Variants in RANBP2 observed in about 807,000 individuals in gnomAD.
The protein encoded by RANBP2 is RAN binding protein 2.
Under a neutral mutation model 303.6 loss-of-function variants are expected in RANBP2, and 57 were observed. The observed-to-expected ratio is 0.19, with a 90% CI of 0.15 to 0.23. The LOEUF is 0.23. Ranked by LOEUF, RANBP2 falls within the 10% of genes least tolerant of loss-of-function variation. RANBP2 has a pLI of 1.00. For missense variants in RANBP2, 3,138 were observed against 3,780.8 expected, an observed-to-expected ratio of 0.83 and a Z score of 4.46; for synonymous variants, 1,167 against 1,301.5, an observed-to-expected ratio of 0.90 and a Z score of 2.23.
intron 1 of RANBP2, among the ~76,000 whole-genome samples, chr2:108,721,720 T>G (rs1271456789): frequency 6.6e-6 from 1 of 151,706 alleles, no homozygotes; most frequent in African/African-American, 2.4e-5. Flanking sequence ...GTGTTGGGAT[T>G]ATAGGCGTGA....
chr2:109,599,853 A>G, the RANBP2 span, among the ~76,000 whole-genome samples: 2 of 152,188 alleles, frequency 1.3e-5, no homozygotes, highest in African/African-American at 4.8e-5. Flanking sequence ...TTATAGAAAA[A>G]ATATCATTTC....
At chr2:108,891,508 T>C in the RANBP2 span, among the ~76,000 whole-genome samples, 1 of 152,184 alleles carries the variant, frequency 6.6e-6, no homozygotes. Context: ...GGTGAAGTTG[T>C]ACTAGGGATT....
chr2:109,242,361 G>A, the RANBP2 span, among the ~76,000 whole-genome samples: 3 of 152,164 alleles, frequency 2.0e-5, no homozygotes, highest in Non-Finnish European at 4.4e-5. Context: ...CTACACTGAG[G>A]ACCTTGTCTC....
chr2:108,782,076 A>G (rs1678291717), intron 26 of RANBP2, 52 bp from the exon 27 acceptor site: 3 of 1,587,036 alleles, frequency 1.9e-6, no homozygotes, highest in East Asian at 4.5e-5. Flanking sequence ...GAAATTTGTC[A>G]TGGAATTTAT....
At chr2:108,985,990 C>A in the RANBP2 span, among the ~76,000 whole-genome samples, 11 of 152,268 alleles carry the variant, frequency 7.2e-5, no homozygotes, top group South Asian at 2.3e-3. Flanking sequence ...CTGATCCCTG[C>A]CAAGACCCAG....
chr2:109,598,895 T>TA, the RANBP2 span, among the ~76,000 whole-genome samples: 8 of 149,654 alleles, frequency 5.3e-5, no homozygotes, highest in Admixed American at 2.7e-4. Flanking sequence ...AAAATAAAAA[T>TA]AAAAAAAAAA....
chr2:109,345,973 G>C, the RANBP2 span, among the ~76,000 whole-genome samples: 1 of 152,236 alleles, frequency 6.6e-6, no homozygotes, highest in Non-Finnish European at 1.5e-5. Context: ...CCCAAATTAA[G>C]ATTCCCTGGC....
the RANBP2 span, among the ~76,000 whole-genome samples, chr2:108,793,334 A>AAAAAC: frequency 2.1e-3 from 316 of 152,164 alleles, 1 homozygote; most frequent in Middle Eastern, 0.017. Flanking sequence ...CTCCGTCTCA[A>AAAAAC]AAAACAAAAC....
chr2:109,685,566 T>C, the RANBP2 span, among the ~76,000 whole-genome samples: 3 of 152,166 alleles, frequency 2.0e-5, no homozygotes, highest in Non-Finnish European at 2.9e-5. Context: ...TGCAAGCATG[T>C]GGAAGGCTGT....
chr2:109,663,706 G>A, the RANBP2 span, among the ~76,000 whole-genome samples: 1 of 152,202 alleles, frequency 6.6e-6, no homozygotes, highest in Non-Finnish European at 1.5e-5. Context: ...AAACAGAAGT[G>A]AATTTAGTCT....
chr2:108,768,011 C>G lies in RANBP2; in HGVS notation c.7472C>G (p.Ala2491Gly), dbSNP rs985484923. ...DVIQGDDVADATSEVEVSSTS... is the reference protein window; with the variant it reads ...DVIQGDDVADGTSEVEVSSTS... Reference sequence around the variant, plus strand: ...ATTCAGGGTGATGATGTAGCAGATGCAACTTCAGAAGTTGAAGTGTCTAGC... The same window carrying G: ...ATTCAGGGTGATGATGTAGCAGATGGAACTTCAGAAGTTGAAGTGTCTAGC... Residue 2491 changes from alanine to glycine, a missense_variant, in exon 20 of 29, where the codon GCA becomes GGA. Ala to Gly is a moderately conservative substitution (Grantham distance 60, BLOSUM62 0). Coordinates refer to ENST00000283195, the MANE Select transcript of RANBP2 (RefSeq NM_006267.5). 43 of 1,611,596 alleles carry G rather than the reference C, an allele frequency of 2.7e-5. No homozygotes were observed. Among genetic ancestry groups the G allele is most frequent in the Non-Finnish European group, 3.1e-5 (37 of 1,179,778 alleles).
the RANBP2 span, among the ~76,000 whole-genome samples, chr2:109,421,011 G>A: frequency 6.6e-6 from 1 of 152,186 alleles, no homozygotes; most frequent in Non-Finnish European, 1.5e-5. Context: ...TGATATTCAA[G>A]TTTTCACCAG....
chr2:109,441,466 C>G, the RANBP2 span, among the ~76,000 whole-genome samples: 67 of 151,674 alleles, frequency 4.4e-4, 1 homozygote, highest in South Asian at 0.012. Flanking sequence ...TATTTGTAAA[C>G]TTGAAGATAT....
chr2:109,369,110 C>T, the RANBP2 span, among the ~76,000 whole-genome samples: 4 of 151,740 alleles, frequency 2.6e-5, no homozygotes, highest in African/African-American at 7.3e-5. Context: ...TTTGGGAGGC[C>T]GAGGTGGGCA....
chr2:109,140,357 A>G, the RANBP2 span, among the ~76,000 whole-genome samples: 146 of 147,912 alleles, frequency 9.9e-4, no homozygotes, highest in African/African-American at 3.3e-3. Context: ...TTCTTTTTCT[A>G]TTTTTCCCAG....
At chr2:109,647,230 C>G in the RANBP2 span, among the ~76,000 whole-genome samples, 1 of 127,146 alleles carries the variant, frequency 7.9e-6, no homozygotes. Context: ...GTGGCATGAT[C>G]TTGGCTCACT....
the RANBP2 span, among the ~76,000 whole-genome samples, chr2:109,165,562 G>C: frequency 1.2e-4 from 19 of 152,222 alleles, no homozygotes; most frequent in African/African-American, 4.3e-4. Context: ...GTGGGGGACT[G>C]TGTGGCCAGC....
At chr2:108,880,749 A>AT in the RANBP2 span, among the ~76,000 whole-genome samples, 2 of 152,172 alleles carry the variant, frequency 1.3e-5, no homozygotes, top group South Asian at 2.1e-4. Context: ...TACTGCTCAG[A>AT]TAAAAAAAAG....
the RANBP2 span, among the ~76,000 whole-genome samples, chr2:109,002,962 C>G: frequency 6.6e-6 from 1 of 152,032 alleles, no homozygotes; most frequent in Non-Finnish European, 1.5e-5. Context: ...AATCCCAGCA[C>G]TTTGGGAGGC....
Sources: gnomAD v4.1 joint callset for allele counts (sites outside exome capture counted in the v4.1 genomes callset) on GRCh38, gnomAD v4.1.1 for gene constraint, MANE v1.5 for transcripts, NCBI Gene and HGNC (gene_info 2026-07-23, HGNC 2026-07-21) for gene names.